Variants in POPDC1 observed in about 807,000 individuals in gnomAD.
The protein encoded by POPDC1 is popeye domain cAMP effector 1.
the POPDC1 span, among the ~76,000 whole-genome samples, chr6:105,123,502 G>A: frequency 2.6e-5 from 4 of 152,128 alleles, no homozygotes; most frequent in African/African-American, 7.2e-5. Context: ...CCAGGTTCAC[G>A]CCATTCTCCT....
chr6:105,101,052 A>G, the POPDC1 span: 1 of 1,578,594 alleles, frequency 6.3e-7, no homozygotes, highest in Non-Finnish European at 8.6e-7. Context: ...TCTCTTCAAG[A>G]CACCTTCCGT....
At chr6:105,135,704 G>C in the POPDC1 span, among the ~76,000 whole-genome samples, 1 of 151,898 alleles carries the variant, frequency 6.6e-6, no homozygotes, top group Non-Finnish European at 1.5e-5. Flanking sequence ...TTTGACGCAC[G>C]ACACCTTATT....
chr6:105,097,963 C>T, the POPDC1 span: 1 of 151,972 alleles, frequency 6.6e-6, no homozygotes, highest in Non-Finnish European at 1.5e-5. Flanking sequence ...TTTATGAGGG[C>T]TTTCAAAATA....
chr6:105,130,473 A>G, the POPDC1 span, among the ~76,000 whole-genome samples: 1 of 152,192 alleles, frequency 6.6e-6, no homozygotes, highest in Non-Finnish European at 1.5e-5. Flanking sequence ...GTTTTTTACA[A>G]TATTGAAGAA....
the POPDC1 span, among the ~76,000 whole-genome samples, chr6:105,108,639 G>A: frequency 0.67 from 102,184 of 152,174 alleles, 40,401 homozygotes; most frequent in East Asian, 0.87. Context: ...AAAGTAAACC[G>A]TGGCATGATT....
chr6:105,134,050 T>G, the POPDC1 span, among the ~76,000 whole-genome samples: 1 of 152,126 alleles, frequency 6.6e-6, no homozygotes, highest in Non-Finnish European at 1.5e-5. Flanking sequence ...ATTTGAATAC[T>G]TAAAAAATAT....
chr6:105,131,118 G>C, the POPDC1 span, among the ~76,000 whole-genome samples: 1 of 152,114 alleles, frequency 6.6e-6, no homozygotes, highest in South Asian at 2.1e-4. Context: ...CTATCATGAA[G>C]ATATAAATCA....
the POPDC1 span, among the ~76,000 whole-genome samples, chr6:105,133,787 A>G: frequency 3.0e-3 from 455 of 152,306 alleles, 7 homozygotes; most frequent in Admixed American, 0.025. Context: ...AGATGGTAAT[A>G]ATACCTCATT....
the POPDC1 span, chr6:105,115,627 T>C: frequency 6.4e-7 from 1 of 1,573,232 alleles, no homozygotes; most frequent in Non-Finnish European, 8.6e-7. Flanking sequence ...TTGTCATTTG[T>C]CTATGTCCAG....
the POPDC1 span, chr6:105,115,660 G>T: frequency 1.2e-6 from 2 of 1,613,352 alleles, no homozygotes; most frequent in Non-Finnish European, 1.7e-6. Flanking sequence ...GAACTCTGGA[G>T]TAGTATCAGT....
At chr6:105,129,379 C>T in the POPDC1 span, 23 of 1,600,874 alleles carry the variant, frequency 1.4e-5, no homozygotes, top group South Asian at 2.3e-5. Flanking sequence ...TAATAATTAC[C>T]GGTCTCTTCT....
At chr6:105,124,663 C>T in the POPDC1 span, 2 of 1,547,158 alleles carry the variant, frequency 1.3e-6, no homozygotes, top group African/African-American at 1.4e-5. Flanking sequence ...ATTCTGATAA[C>T]AGAAATTAAT....
chr6:105,098,305 G>A, the POPDC1 span: 1 of 152,172 alleles, frequency 6.6e-6, no homozygotes, highest in African/African-American at 2.4e-5. Flanking sequence ...TTGAGATCAA[G>A]TCTATATGGG....
the POPDC1 span, among the ~76,000 whole-genome samples, chr6:105,130,153 C>T: frequency 1.3e-5 from 2 of 152,058 alleles, no homozygotes; most frequent in Admixed American, 1.3e-4. Flanking sequence ...TTTAATTCTG[C>T]CTTACAGAGT....
chr6:105,102,524 G>C, the POPDC1 span, among the ~76,000 whole-genome samples: 1 of 152,160 alleles, frequency 6.6e-6, no homozygotes, highest in East Asian at 1.9e-4. Flanking sequence ...CAGGGGGAGG[G>C]AGCATGCAGA....
At chr6:105,124,055 T>G in the POPDC1 span, among the ~76,000 whole-genome samples, 1 of 152,082 alleles carries the variant, frequency 6.6e-6, no homozygotes, top group Non-Finnish European at 1.5e-5. Flanking sequence ...AAAATTAGAA[T>G]ATATCTTTCT....
chr6:105,103,035 T>C, the POPDC1 span, among the ~76,000 whole-genome samples: 1 of 152,248 alleles, frequency 6.6e-6, no homozygotes, highest in Admixed American at 6.5e-5. Context: ...TCAGGCGAGT[T>C]CTTCCCCTTT....
the POPDC1 span, among the ~76,000 whole-genome samples, chr6:105,119,685 A>C: frequency 6.6e-6 from 1 of 152,318 alleles, no homozygotes; most frequent in South Asian, 2.1e-4. Context: ...GAGTGGGTGA[A>C]GGAGTTAAAA....
the POPDC1 span, chr6:105,116,615 TA>T: frequency 1.7e-6 from 2 of 1,148,908 alleles, no homozygotes; most frequent in Non-Finnish European, 2.4e-6. Context: ...GGCTAGTTAC[TA>T]AAAATTCAGG....
Sources: gnomAD v4.1 joint callset for allele counts (sites outside exome capture counted in the v4.1 genomes callset) on GRCh38, gnomAD v4.1.1 for gene constraint, MANE v1.5 for transcripts, NCBI Gene and HGNC (gene_info 2026-07-23, HGNC 2026-07-21) for gene names.